Variants in CCDC192 observed in about 807,000 individuals in gnomAD.
CCDC192 encodes coiled-coil domain containing 192.
At chr5:127,734,895 G>T (rs1752879237) in intron 2 of CCDC192, among the ~76,000 whole-genome samples, 1 of 151,316 alleles carries the variant, frequency 6.6e-6, no homozygotes. Flanking sequence ...CACTCTGATG[G>T]TAGTTTCTTT....
At chr5:127,795,269 G>A (rs1384529256) in intron 3 of CCDC192, among the ~76,000 whole-genome samples, 1 of 128,472 alleles carries the variant, frequency 7.8e-6, no homozygotes, top group Non-Finnish European at 1.6e-5. Flanking sequence ...CAATTTGGGT[G>A]ACAAGGTGAG....
intron 6 of CCDC192, among the ~76,000 whole-genome samples, chr5:127,886,955 A>C (rs1447792798): frequency 6.6e-6 from 1 of 152,242 alleles, no homozygotes; most frequent in East Asian, 1.9e-4. Flanking sequence ...CTTCAAAGGC[A>C]GAACAAGTAC....
chr5:127,914,442 A>AAT (rs1282127366), intron 6 of CCDC192, among the ~76,000 whole-genome samples: 3 of 152,192 alleles, frequency 2.0e-5, no homozygotes, highest in African/African-American at 7.2e-5. Context: ...AAATACTATA[A>AAT]ATAGCCTCCC....
chr5:127,736,334 T>G (rs1752987499), intron 2 of CCDC192, among the ~76,000 whole-genome samples: 1 of 146,922 alleles, frequency 6.8e-6, no homozygotes, highest in Non-Finnish European at 1.5e-5. Flanking sequence ...GTTTTGCCAG[T>G]ATTTTATTGA....
intron 2 of CCDC192, chr5:127,740,196 TG>T (rs1405723482): frequency 6.6e-6 from 1 of 152,222 alleles, no homozygotes; most frequent in Non-Finnish European, 1.5e-5. Context: ...ATTTTACAGA[TG>T]GGAAAACTGA....
intron 5 of CCDC192, among the ~76,000 whole-genome samples, chr5:127,867,394 C>A (rs1751657474): frequency 6.6e-6 from 1 of 152,238 alleles, no homozygotes; most frequent in Non-Finnish European, 1.5e-5. Flanking sequence ...GCAGCACTTT[C>A]ACTAAGCAGG....
chr5:127,711,865 G>T (rs1276889709), intron 2 of CCDC192, among the ~76,000 whole-genome samples: 1 of 151,816 alleles, frequency 6.6e-6, no homozygotes, highest in Non-Finnish European at 1.5e-5. Context: ...TCTTTGTTTT[G>T]CCTTTCCTTT....
chr5:127,864,501 A>C (rs983458096), intron 5 of CCDC192, among the ~76,000 whole-genome samples: 2 of 152,214 alleles, frequency 1.3e-5, no homozygotes, highest in Non-Finnish European at 2.9e-5. Flanking sequence ...TTTCTGTGCT[A>C]GATTTGTAAT....
chr5:127,731,368 A>T (rs1157468987), intron 2 of CCDC192, among the ~76,000 whole-genome samples: 10 of 152,326 alleles, frequency 6.6e-5, no homozygotes, highest in African/African-American at 2.4e-4. Flanking sequence ...ATCAGAGAGG[A>T]CACAAACAAA....
chr5:127,733,407 TCTC>T (rs1455773497), intron 2 of CCDC192, among the ~76,000 whole-genome samples: 6 of 152,138 alleles, frequency 3.9e-5, no homozygotes, highest in Non-Finnish European at 5.9e-5. Context: ...GGAGTTATCA[TCTC>T]CTCCATTTTT....
At chr5:127,802,192 C>T (rs1194344656) in intron 5 of CCDC192, among the ~76,000 whole-genome samples, 1 of 152,170 alleles carries the variant, frequency 6.6e-6, no homozygotes, top group Non-Finnish European at 1.5e-5. Context: ...ACATTGAAGG[C>T]AGCACTAAGA....
chr5:127,925,263 T>TAACTCTATTACCATTAGCTTTAA (rs776151748), intron 6 of CCDC192, among the ~76,000 whole-genome samples: 1 of 151,946 alleles, frequency 6.6e-6, no homozygotes, highest in African/African-American at 2.4e-5. Flanking sequence ...TATCAGAAGA[T>TAACTCTATTACCATTAGCTTTAA]TTCCTAAACT....
intron 6 of CCDC192, among the ~76,000 whole-genome samples, chr5:127,898,378 G>A (rs554285842): frequency 1.3e-5 from 2 of 152,226 alleles, no homozygotes; most frequent in South Asian, 2.1e-4. Flanking sequence ...GAAAGTGCTG[G>A]GATTACAAGC....
chr5:127,927,964 G>A (rs1213100960), intron 6 of CCDC192, among the ~76,000 whole-genome samples: 14 of 130,906 alleles, frequency 1.1e-4, no homozygotes, highest in African/African-American at 1.8e-4. Flanking sequence ...TTTTTGAGAC[G>A]GAGTCTCACT....
intron 6 of CCDC192, among the ~76,000 whole-genome samples, chr5:127,910,724 C>A (rs1046555242): frequency 1.3e-5 from 2 of 152,168 alleles, no homozygotes; most frequent in Non-Finnish European, 2.9e-5. Context: ...AAGTAGAGGA[C>A]CACTGACTCT....
chr5:127,794,195 T>C (rs143392919), intron 3 of CCDC192, among the ~76,000 whole-genome samples: 66 of 152,334 alleles, frequency 4.3e-4, no homozygotes, highest in African/African-American at 1.6e-3. Flanking sequence ...GATTAGTTTA[T>C]GCTTTGATTC....
At chr5:127,817,571 A>G (rs1445360348) in intron 5 of CCDC192, among the ~76,000 whole-genome samples, 1 of 152,208 alleles carries the variant, frequency 6.6e-6, no homozygotes, top group Non-Finnish European at 1.5e-5. Flanking sequence ...CATTGATTGA[A>G]AATGTCCAGA....
intron 1 of CCDC192, among the ~76,000 whole-genome samples, chr5:127,704,388 A>G (rs1750841992): frequency 6.6e-6 from 1 of 152,140 alleles, no homozygotes; most frequent in Non-Finnish European, 1.5e-5. Flanking sequence ...GGCTTTCACC[A>G]TGTTGGCCAG....
intron 5 of CCDC192, among the ~76,000 whole-genome samples, chr5:127,871,400 TA>T (rs767703027): frequency 3.9e-5 from 6 of 152,194 alleles, no homozygotes; most frequent in Non-Finnish European, 7.4e-5. Flanking sequence ...AATTCTTCAC[TA>T]AAACACTAAA....
Sources: allele counts gnomAD v4.1 joint callset (sites outside exome capture counted in the v4.1 genomes callset), GRCh38; gene constraint gnomAD v4.1.1; transcripts MANE v1.5; gene names NCBI Gene and HGNC (gene_info 2026-07-23, HGNC 2026-07-21).